Variants in MACROD2 observed in about 807,000 individuals in gnomAD.
MACROD2 encodes the protein mono-ADP ribosylhydrolase 2.
A neutral mutation model predicts 70.4 loss-of-function variants in MACROD2; 36 were observed. The observed-to-expected ratio is 0.51, with a 90% CI of 0.39 to 0.68. The LOEUF (loss-of-function observed/expected upper bound fraction) is 0.68, where lower values mean the gene tolerates loss of function less well. Among genes scored for constraint, MACROD2 ranks in the 30% least tolerant of loss-of-function variants. The pLI, the probability that MACROD2 is intolerant of heterozygous loss-of-function variation, is 0.00. For synonymous variants in MACROD2, 172 were observed against 178.8 expected, an observed-to-expected ratio of 0.96 and a Z score of 0.30; for missense variants, 496 against 538.4, an observed-to-expected ratio of 0.92 and a Z score of 0.78.
At chr20:15,473,313 GTA>G (rs1315045786) in intron 7 of MACROD2, among the ~76,000 whole-genome samples, 1 of 152,186 alleles carries the variant, frequency 6.6e-6, no homozygotes, top group African/African-American at 2.4e-5. Context: ...GTGCTGAAGA[GTA>G]TGTACAGACT....
At position 15,563,490 on chromosome 20, in the gene MACROD2, C is replaced by G. The variant is rs1249111676; in HGVS notation, c.645+63643C>G. Reference sequence around the variant, plus strand: ...GCATTCAGGCTTCATGTGAAACTTGCAAACATTGAGCATAATAAGAAAGAA... The same window carrying G: ...GCATTCAGGCTTCATGTGAAACTTGGAAACATTGAGCATAATAAGAAAGAA... On this transcript the variant is annotated intron_variant, in intron 8 of 17. Transcript: ENST00000684519. Among the ~76,000 whole-genome samples the G allele has an allele frequency of 2.0e-5, 3 of 152,216 alleles. No individual in the cohort carries two copies. In the South Asian group the frequency reaches 6.2e-4, roughly 32 times the overall value.
chr20:15,462,586 T>C (rs2046833743), intron 7 of MACROD2, among the ~76,000 whole-genome samples: 1 of 152,212 alleles, frequency 6.6e-6, no homozygotes, highest in South Asian at 2.1e-4. Context: ...AAGAGGCAAA[T>C]AGATATTACA....
At chr20:15,592,487 G>A (rs1431137579) in intron 8 of MACROD2, among the ~76,000 whole-genome samples, 1 of 152,134 alleles carries the variant, frequency 6.6e-6, no homozygotes, top group Admixed American at 6.5e-5. Flanking sequence ...TGCAAGCTCT[G>A]ATTATGTTTG....
At chr20:15,226,585 C>G (rs114459563) in intron 5 of MACROD2, among the ~76,000 whole-genome samples, 2,180 of 152,134 alleles carry the variant, frequency 0.014, 55 homozygotes, top group African/African-American at 0.048. Flanking sequence ...AGCTGTTTGT[C>G]TCTAACATGT....
At chr20:14,140,814 A>G (rs943553850) in intron 3 of MACROD2, among the ~76,000 whole-genome samples, 1 of 152,158 alleles carries the variant, frequency 6.6e-6, no homozygotes, top group Non-Finnish European at 1.5e-5. Flanking sequence ...TATCAGTGGT[A>G]TCGGCCGAGA....
intron 6 of MACROD2, among the ~76,000 whole-genome samples, chr20:15,336,928 T>G (rs921724062): frequency 5.3e-5 from 8 of 151,758 alleles, no homozygotes; most frequent in Admixed American, 4.6e-4. Flanking sequence ...TTTAAGGAGC[T>G]AAACACAACT....
intron 3 of MACROD2, among the ~76,000 whole-genome samples, chr20:14,130,052 C>A (rs1197181547): frequency 6.6e-6 from 1 of 152,050 alleles, no homozygotes; most frequent in East Asian, 1.9e-4. Context: ...ATAAAATATA[C>A]CCAACTGAGG....
At chr20:15,147,258 G>A (rs1276191460) in intron 5 of MACROD2, among the ~76,000 whole-genome samples, 1 of 152,098 alleles carries the variant, frequency 6.6e-6, no homozygotes, top group Non-Finnish European at 1.5e-5. Context: ...GACAGAGATT[G>A]AGTGCTAAAT....
chr20:14,512,946 G>A (rs2085047054), intron 4 of MACROD2, among the ~76,000 whole-genome samples: 2 of 152,030 alleles, frequency 1.3e-5, no homozygotes, highest in Admixed American at 1.3e-4. Context: ...TTTCACCTAG[G>A]GTCTGATCGT....
chr20:15,674,846 C>T (rs1300967951), intron 8 of MACROD2, among the ~76,000 whole-genome samples: 2 of 151,588 alleles, frequency 1.3e-5, no homozygotes, highest in East Asian at 3.9e-4. Context: ...TATTTTTCTC[C>T]TAAAGAGATG....
chr20:15,594,595 A>G (rs2048723033), intron 8 of MACROD2, among the ~76,000 whole-genome samples: 1 of 152,176 alleles, frequency 6.6e-6, no homozygotes, highest in Admixed American at 6.5e-5. Context: ...TCTCATTGCT[A>G]TTTTAATTTC....
chr20:14,428,679 A>C (rs990372820), intron 3 of MACROD2, among the ~76,000 whole-genome samples: 3 of 152,212 alleles, frequency 2.0e-5, no homozygotes, highest in African/African-American at 7.2e-5. Context: ...TGATAGTGCC[A>C]GTAAGGGTTG....
chr20:15,185,636 C>T (rs148170193), intron 5 of MACROD2, among the ~76,000 whole-genome samples: 10 of 152,222 alleles, frequency 6.6e-5, no homozygotes, highest in East Asian at 1.9e-4. Flanking sequence ...ATAAATATAA[C>T]GACTTAGATG....
At chr20:15,016,218 A>C (rs972721707) in intron 5 of MACROD2, among the ~76,000 whole-genome samples, 3 of 152,204 alleles carry the variant, frequency 2.0e-5, no homozygotes, top group African/African-American at 7.2e-5. Flanking sequence ...AGAGTATTAT[A>C]ACAGTCATGA....
At chr20:15,114,721 A>G (rs997813296) in intron 5 of MACROD2, among the ~76,000 whole-genome samples, 2 of 152,190 alleles carry the variant, frequency 1.3e-5, no homozygotes, top group African/African-American at 4.8e-5. Flanking sequence ...AACTAATACA[A>G]TCAAGCACAC....
chr20:15,133,940 C>T (rs1336037488), intron 5 of MACROD2, among the ~76,000 whole-genome samples: 6 of 129,926 alleles, frequency 4.6e-5, no homozygotes, highest in East Asian at 4.4e-4. Context: ...GACAGAGTCT[C>T]GCTGTCGCAG....
chr20:15,180,542 A>T (rs1281934946), intron 5 of MACROD2, among the ~76,000 whole-genome samples: 1 of 152,248 alleles, frequency 6.6e-6, no homozygotes, highest in Non-Finnish European at 1.5e-5. Flanking sequence ...TTCTAGTTCA[A>T]CAGACACACC....
intron 3 of MACROD2, among the ~76,000 whole-genome samples, chr20:14,388,014 G>GT (rs11474530): frequency 0.38 from 54,662 of 142,250 alleles, 10,788 homozygotes; most frequent in African/African-American, 0.45. Flanking sequence ...ATGTAAGTAG[G>GT]TTTTTTTTTT....
intron 4 of MACROD2, among the ~76,000 whole-genome samples, chr20:14,576,557 A>G (rs925942035): frequency 6.6e-6 from 1 of 152,194 alleles, no homozygotes; most frequent in East Asian, 1.9e-4. Flanking sequence ...TAGACAATGC[A>G]AAATATGGAG....
Sources: gnomAD v4.1 joint callset for allele counts (sites outside exome capture counted in the v4.1 genomes callset) on GRCh38, gnomAD v4.1.1 for gene constraint, MANE v1.5 for transcripts, NCBI Gene and HGNC (gene_info 2026-07-23, HGNC 2026-07-21) for gene names.